KCP: variants seen among roughly 807,000 people sequenced by gnomAD.
The protein encoded by KCP is kielin cysteine rich BMP regulator.
A neutral mutation model predicts 212.7 loss-of-function variants in KCP; 194 were observed. The ratio of observed to expected loss-of-function variants is 0.91; its 90% confidence interval spans 0.81 to 1.03. The LOEUF (loss-of-function observed/expected upper bound fraction) is 1.03, where lower values mean the gene tolerates loss of function less well. KCP is among the 50% of genes least tolerant of loss of function. The probability of loss-of-function intolerance (pLI) is 0.00; values close to 1 mark genes in which losing one functional copy is unlikely to be tolerated. For missense variants in KCP, 2,080 were observed against 2,162.5 expected (o/e 0.96, Z 0.76); for synonymous variants, 833 against 865.3 (o/e 0.96, Z 0.65).
chr7:128,891,566 G>A lies in KCP; in HGVS notation c.1796-33C>T, dbSNP rs761875150. 10 of 1,541,208 alleles carry A rather than the reference G, an allele frequency of 6.5e-6. No individual in the cohort carries two copies. In the South Asian group the frequency reaches 1.1e-4, roughly 17 times the overall value. ...AGGGAGGGGCTATAGCCTGGGAGAGGGCGACTGCCCCAGGGCGTGCTGCCT... is the reference window on the plus strand; with the variant it reads ...AGGGAGGGGCTATAGCCTGGGAGAGAGCGACTGCCCCAGGGCGTGCTGCCT... On this transcript the variant is annotated intron_variant, in intron 17 of 39. Coordinates refer to ENST00000610776, the MANE Select transcript of KCP (RefSeq NM_001366122.1).
rs563857043 is a variant in KCP at position 128,890,333 on chromosome 7, T to C, written c.2335+10A>G. The C allele has an allele frequency of 2.2e-5, 34 of 1,551,490 alleles. No homozygotes were observed. In the East Asian group the frequency reaches 7.8e-4, roughly 36 times the overall value. ...CCCACCCCGGCAGCTCCCTATCCCATGACCCTCACCATCACAGTCAGGGCA... is the reference window on the plus strand; with the variant it reads ...CCCACCCCGGCAGCTCCCTATCCCACGACCCTCACCATCACAGTCAGGGCA... On this transcript the variant is annotated intron_variant, in intron 21 of 39. Coordinates refer to ENST00000610776, the MANE Select transcript of KCP (RefSeq NM_001366122.1).
Position 128,903,903 on chromosome 7 carries a change from AG to A in KCP, c.655-84del, listed in dbSNP as rs896106017. On this transcript the variant is annotated intron_variant, in intron 6 of 39. Transcript: ENST00000610776. ...GGCGGGTGTTGGGCACCCTCGGAGG[AG>A]GGGGGCACAGGGCAGGGATGGAGGG... 3 of 1,356,632 alleles carry A rather than the reference AG, an allele frequency of 2.2e-6. No individual in the cohort carries two copies. The South Asian group carries it at 3.7e-5, about 17-fold the overall frequency. 84.0% of individuals were successfully genotyped at this position (1,356,632 alleles called of 1,614,324 possible).
Position 128,877,658 on chromosome 7 carries a change from G to A in KCP, c.4444C>T (p.Arg1482Cys), listed in dbSNP as rs578110016. 3.0e-5 allele frequency: 46 copies of A among 1,551,438 alleles called. No individual in the cohort carries two copies. The South Asian group carries it at 3.6e-4, about 12-fold the overall frequency. ...CGVLKSSPFS[R>C]CHAVVPPEPF... is the part of the protein sequence containing the mutation. ...TCCGGTGGCACCACAGCATGGCAGC[G>A]ACTGAATGGGGAGGACTTCAGCACC... The change falls in exon 39 of 40, where the codon CGC (arginine) becomes TGC (cysteine). Residue 1482 changes from arginine (R) to cysteine (C), a missense_variant. Transcript: ENST00000610776.
chr7:128,883,672 A>G (rs1793465532), intron 29 of KCP, among the ~76,000 whole-genome samples: 1 of 152,236 alleles, frequency 6.6e-6, no homozygotes, highest in African/African-American at 2.4e-5. Context: ...TTTTTACTCT[A>G]ACAACGACAA....
chr7:128,884,315 T>A (rs191897680), intron 28 of KCP, among the ~76,000 whole-genome samples, 193 bp from the exon 29 acceptor site: 1 of 152,364 alleles, frequency 6.6e-6, no homozygotes, highest in East Asian at 1.9e-4. Flanking sequence ...GTCTCTGAGA[T>A]GATGTCTCCT....
rs1052400796 is a variant in KCP, at chr7:128,891,513, C to G, written c.1816G>C (p.Glu606Gln). The change falls in exon 18 of 40, where the codon GAG (glutamate) becomes CAG (glutamine). Residue 606 changes from glutamate to glutamine, a missense_variant. Coordinates refer to ENST00000610776, the MANE Select transcript of KCP (RefSeq NM_001366122.1). ...GGGAAGTCCGCTCCGCTGGGGTACTCTTTCCCGCCAAAGGCACAGCCTGGG... is the reference window on the plus strand; with the variant it reads ...GGGAAGTCCGCTCCGCTGGGGTACTGTTTCCCGCCAAAGGCACAGCCTGGG... ...DCSGCAFGGKEYPSGADFPHP... is the reference protein window; with the variant it reads ...DCSGCAFGGKQYPSGADFPHP... 5 of 1,549,788 alleles carry G rather than the reference C, an allele frequency of 3.2e-6. No individual in the cohort carries two copies. In the African/African-American group the frequency reaches 4.1e-5, roughly 13 times the overall value.
intron 8 of KCP, among the ~76,000 whole-genome samples, chr7:128,894,951 G>A (rs1188918394): frequency 6.6e-6 from 1 of 152,078 alleles, no homozygotes; most frequent in Non-Finnish European, 1.5e-5. Context: ...ACACACACAG[G>A]GAGAATGGTA....
Position 128,907,245 on chromosome 7 carries a change from C to T in KCP, c.409+19G>A, listed in dbSNP as rs573353974. The T allele has an allele frequency of 2.0e-4, 312 of 1,535,456 alleles. 2 individuals are homozygous for T. Among genetic ancestry groups the T allele is most frequent in the South Asian group, 3.8e-4 (32 of 83,234 alleles). On this transcript the variant is annotated intron_variant, in intron 3 of 39. Coordinates refer to ENST00000610776, the MANE Select transcript of KCP (RefSeq NM_001366122.1). ...CAGGTCTTTAGGTGGCCCCAGTGGG[C>T]GGATAGGGTGGCACTTACCCCTGCA...
At chr7:128,907,046 T>C in intron 4 of KCP, 55 bp downstream of exon 4, 1 of 1,496,720 alleles carries the variant, frequency 6.7e-7, no homozygotes. Context: ...CAGTGACAGG[T>C]AGCTGGAGAG....
chr7:128,897,631 C>T (rs1794607620), intron 8 of KCP, among the ~76,000 whole-genome samples: 1 of 152,152 alleles, frequency 6.6e-6, no homozygotes. Flanking sequence ...ATAAAAATAT[C>T]TTCAAAAATG....
Position 128,893,608 on chromosome 7 carries a change from GCCCC to G in KCP, c.1100-136_1100-133del, listed in dbSNP as rs984620028. On this transcript the variant is annotated intron_variant, in intron 11 of 39. Coordinates refer to ENST00000610776, the MANE Select transcript of KCP (RefSeq NM_001366122.1). ...AGTTCTCCAGGGCGCCCTGCCAGCAGCCCCCTGCCCCCCACAGCTATGCCACAGA... is the reference window on the plus strand; with the variant it reads ...AGTTCTCCAGGGCGCCCTGCCAGCAGCTGCCCCCCACAGCTATGCCACAGA... The G allele has an allele frequency of 9.5e-6, 9 of 949,664 alleles. No individual in the cohort carries two copies. The Admixed American group carries it at 1.1e-4, about 12-fold the overall frequency. 58.8% of individuals were successfully genotyped at this position (949,664 alleles called of 1,614,324 possible). A position where few individuals can be genotyped will look rare whatever the true frequency, so the allele number is the denominator to read the frequency against.
At chr7:128,886,630 C>T in intron 25 of KCP, 25 bp downstream of exon 25, 2 of 1,551,304 alleles carry the variant, frequency 1.3e-6, no homozygotes, top group East Asian at 2.4e-5. Context: ...AGCTGTCACT[C>T]CACACCCCCC....
intron 22 of KCP, 116 bp downstream of exon 22, chr7:128,888,747 A>C: frequency 1.0e-6 from 1 of 1,003,954 alleles, no homozygotes; most frequent in Non-Finnish European, 1.4e-6. Flanking sequence ...TCGGAGAGTG[A>C]GAGAAAAGTA....
At chr7:128,904,181 G>C in intron 5 of KCP, 43 bp from the exon 6 acceptor site, 1 of 1,535,212 alleles carries the variant, frequency 6.5e-7, no homozygotes, top group Non-Finnish European at 8.8e-7. Context: ...CCAGGCAGCA[G>C]GGTGGGTGGA....
Position 128,887,276 on chromosome 7 carries a change from G to A in KCP, c.2537C>T (p.Thr846Ile), listed in dbSNP as rs1422595238. 1 of 1,551,378 alleles carries A rather than the reference G, an allele frequency of 6.4e-7. No homozygotes were observed. The highest frequency in any genetic ancestry group is 8.7e-7 in the Non-Finnish European group (1 of 1,146,824). The change falls in exon 23 of 40, where the codon ACT becomes ATT. Residue 846 changes from threonine to isoleucine, a missense_variant. Thr to Ile is a moderately conservative substitution (Grantham distance 89). Transcript: ENST00000610776. Reference sequence around the variant, plus strand: ...GTCAGGAAGGGTCTCTCCGGAGGCAGTAGTGACGCCATGGTAGCGGCATCC... The same window carrying A: ...GTCAGGAAGGGTCTCTCCGGAGGCAATAGTGACGCCATGGTAGCGGCATCC... Reference protein sequence around the residue: ...CQGCRYHGVTTASGETLPDPL... With the variant: ...CQGCRYHGVTIASGETLPDPL...
intron 1 of KCP, among the ~76,000 whole-genome samples, chr7:128,909,895 C>A (rs1034219339): frequency 1.3e-5 from 2 of 152,218 alleles, no homozygotes; most frequent in South Asian, 2.1e-4. Context: ...GGCACCCGGT[C>A]TCAGTCCTTC....
In KCP at chr7:128,892,680, G is replaced by A; in HGVS notation, c.1527+8C>T. The A allele has an allele frequency of 1.3e-6, 2 of 1,551,618 alleles. No individual in the cohort carries two copies. Among genetic ancestry groups the A allele is most frequent in the Non-Finnish European group, 1.7e-6 (2 of 1,146,846 alleles). ...CTCAGCAGGGCAGCAGCAAGGCTGGGCAGTTACCTGACAGTGGCAGGCATG... is the reference window on the plus strand; with the variant it reads ...CTCAGCAGGGCAGCAGCAAGGCTGGACAGTTACCTGACAGTGGCAGGCATG... On this transcript the variant is annotated splice_region_variant and intron_variant, in intron 15 of 39. Coordinates refer to ENST00000610776, the MANE Select transcript of KCP (RefSeq NM_001366122.1).
intron 13 of KCP, 27 bp downstream of exon 13, chr7:128,893,211 A>C: frequency 1.3e-6 from 2 of 1,545,508 alleles, no homozygotes; most frequent in Non-Finnish European, 1.8e-6. Context: ...CGCCCATAGC[A>C]GCTGCTCCTC....
At chr7:128,880,893 GC>G (rs1239644536) in intron 32 of KCP, 103 bp downstream of exon 32, 2 of 399,606 alleles carry the variant, frequency 5.0e-6, no homozygotes, top group East Asian at 3.6e-5. Context: ...GTGCAGGGAT[GC>G]CCCTGACCCT....
Sources: gnomAD v4.1 joint callset for allele counts (sites outside exome capture counted in the v4.1 genomes callset) on GRCh38, gnomAD v4.1.1 for gene constraint, MANE v1.5 for transcripts, NCBI Gene and HGNC (gene_info 2026-07-23, HGNC 2026-07-21) for gene names.